The following MEOX2 variants were observed in gnomAD, a reference collection of about 807,000 sequenced individuals.
The protein encoded by MEOX2 is homeobox protein MOX-2.
In MEOX2, 11 loss-of-function variants were observed where a neutral mutation model predicts 27.0. The ratio of observed to expected loss-of-function variants is 0.41; its 90% confidence interval spans 0.26 to 0.68. MEOX2 has a LOEUF of 0.68. Among genes scored for constraint, MEOX2 ranks in the 30% least tolerant of loss-of-function variants. The probability of loss-of-function intolerance (pLI) is 0.33; values close to 1 mark genes in which losing one functional copy is unlikely to be tolerated. For missense variants in MEOX2, 436 were observed against 385.4 expected, an observed-to-expected ratio of 1.13 and a Z score of -1.10; for synonymous variants, 189 against 155.4, an observed-to-expected ratio of 1.22 and a Z score of -1.61.
At chr7:15,640,677 C>T (rs1467353950) in intron 1 of MEOX2, among the ~76,000 whole-genome samples, 1 of 152,038 alleles carries the variant, frequency 6.6e-6, no homozygotes, top group African/African-American at 2.4e-5. Context: ...ATACATGGCT[C>T]TTAGTATTTT....
intron 1 of MEOX2, among the ~76,000 whole-genome samples, chr7:15,654,435 C>G (rs1426817142): frequency 6.6e-6 from 1 of 151,420 alleles, no homozygotes; most frequent in South Asian, 2.1e-4. Flanking sequence ...ATTGGCTATA[C>G]CTTTCAGTCT....
intron 1 of MEOX2, among the ~76,000 whole-genome samples, chr7:15,667,091 A>G (rs1393020052): frequency 2.0e-5 from 3 of 151,112 alleles, no homozygotes; most frequent in Non-Finnish European, 4.4e-5. Context: ...AGAGATCTAG[A>G]CCATCCTGGC....
At chr7:15,614,948 T>C (rs1781099115) in intron 2 of MEOX2, among the ~76,000 whole-genome samples, 1 of 152,156 alleles carries the variant, frequency 6.6e-6, no homozygotes, top group African/African-American at 2.4e-5. Flanking sequence ...TTCTCTATTC[T>C]GGATTTTTCT....
chr7:15,664,344 A>T (rs188796994), intron 1 of MEOX2, among the ~76,000 whole-genome samples: 207 of 152,076 alleles, frequency 1.4e-3, no homozygotes, highest in Middle Eastern at 3.4e-3. Flanking sequence ...CTTACATCTT[A>T]CCTGACCTTG....
At chr7:15,623,180 A>G (rs2115357791) in intron 2 of MEOX2, among the ~76,000 whole-genome samples, 1 of 152,326 alleles carries the variant, frequency 6.6e-6, no homozygotes, top group South Asian at 2.1e-4. Context: ...TAAAACCCCA[A>G]CCTCCAGAAA....
intron 1 of MEOX2, among the ~76,000 whole-genome samples, chr7:15,661,365 T>C (rs1562609566): frequency 6.6e-6 from 1 of 152,216 alleles, no homozygotes; most frequent in Non-Finnish European, 1.5e-5. Flanking sequence ...TATTCAAAGT[T>C]TCTCAATTTT....
intron 1 of MEOX2, 45 bp from the exon 2 acceptor site, chr7:15,626,963 A>G (rs755141457): frequency 7.1e-6 from 11 of 1,546,760 alleles, no homozygotes; most frequent in African/African-American, 1.4e-5. Context: ...CATTTATTCA[A>G]ACACATGCAA....
intron 1 of MEOX2, among the ~76,000 whole-genome samples, chr7:15,658,090 A>G (rs1437105079): frequency 6.6e-6 from 1 of 152,222 alleles, no homozygotes; most frequent in Non-Finnish European, 1.5e-5. Context: ...CGGAGTGGGT[A>G]GGTGGAGTCG....
chr7:15,663,306 T>C (rs1028508660), intron 1 of MEOX2, among the ~76,000 whole-genome samples: 1 of 152,064 alleles, frequency 6.6e-6, no homozygotes, highest in African/African-American at 2.4e-5. Flanking sequence ...ACTGTGTTAA[T>C]GTCAAGCAAG....
At chr7:15,652,802 CA>C (rs1178609724) in intron 1 of MEOX2, among the ~76,000 whole-genome samples, 2 of 151,984 alleles carry the variant, frequency 1.3e-5, no homozygotes, top group Admixed American at 6.6e-5. Flanking sequence ...ATAAATACAT[CA>C]ACAGCTCCCT....
At chr7:15,643,522 C>A (rs1257456827) in intron 1 of MEOX2, among the ~76,000 whole-genome samples, 1 of 152,154 alleles carries the variant, frequency 6.6e-6, no homozygotes, top group East Asian at 1.9e-4. Flanking sequence ...TGCAGCCCAG[C>A]AGACAGACAT....
intron 1 of MEOX2, among the ~76,000 whole-genome samples, chr7:15,638,877 A>G (rs887898856): frequency 2.0e-5 from 3 of 152,072 alleles, no homozygotes; most frequent in African/African-American, 7.2e-5. Context: ...TTACGCGATC[A>G]ACTGTTGATG....
At chr7:15,654,476 T>C (rs892132262) in intron 1 of MEOX2, among the ~76,000 whole-genome samples, 35 of 151,788 alleles carry the variant, frequency 2.3e-4, no homozygotes, top group African/African-American at 7.2e-4. Flanking sequence ...AGGGAGGACA[T>C]TCCTGATCTT....
chr7:15,621,164 G>A (rs1348956385), intron 2 of MEOX2, among the ~76,000 whole-genome samples: 1 of 152,140 alleles, frequency 6.6e-6, no homozygotes, highest in Non-Finnish European at 1.5e-5. Context: ...TCTGACAATT[G>A]AAGATTATTA....
chr7:15,612,479 T>A lies in MEOX2; in HGVS notation c.823A>T (p.Ile275Phe). Reference protein sequence around the residue: ...GTLLPSELSGIGAATLQQTGD... With the variant: ...GTLLPSELSGFGAATLQQTGD... ...GTTTGCTGGAGGGTGGCTGCACCAA[T>A]TCCCGACAGCTCTGATGGGAGAAGT... The change falls in exon 3 of 3, where the codon ATT (isoleucine) becomes TTT (phenylalanine). Residue 275 changes from isoleucine (I) to phenylalanine (F), a missense_variant. Ile to Phe is a conservative substitution (Grantham distance 21). Transcript: ENST00000262041. 2 of 1,614,078 alleles carry A rather than the reference T, an allele frequency of 1.2e-6. No individual in the cohort carries two copies. The highest frequency in any genetic ancestry group is 1.7e-6 in the Non-Finnish European group (2 of 1,179,978).
chr7:15,660,502 G>T (rs1348031289), intron 1 of MEOX2, among the ~76,000 whole-genome samples: 1 of 152,036 alleles, frequency 6.6e-6, no homozygotes, highest in Non-Finnish European at 1.5e-5. Flanking sequence ...ACTGTCATTT[G>T]CATCGTAAGA....
At position 15,626,905 on chromosome 7, in the gene MEOX2, T is replaced by G. The variant is rs1781317580; in HGVS notation, c.531A>C (p.Gly177=). Residue 177 remains glycine, a synonymous_variant, in exon 2 of 3, where the codon GGA becomes GGC. Transcript: ENST00000262041. ...TGCTGTTGACTTCTGACTTGTAATTTCCTTCCTGGGAGTCTGAAAAAAAAG... is the reference window on the plus strand; with the variant it reads ...TGCTGTTGACTTCTGACTTGTAATTGCCTTCCTGGGAGTCTGAAAAAAAAG... ...RKSDSSDSQE[G]NYKSEVNSKP... is the part of the protein sequence containing the mutation. 6.2e-7 allele frequency: 1 copy of G among 1,612,190 alleles called. No homozygotes were observed. Among genetic ancestry groups the G allele is most frequent in the African/African-American group, 1.3e-5 (1 of 74,472 alleles).
intron 1 of MEOX2, among the ~76,000 whole-genome samples, chr7:15,631,935 G>A (rs994912249): frequency 4.7e-5 from 1 of 21,260 alleles, no homozygotes; most frequent in African/African-American, 2.0e-4. Flanking sequence ...TGTGTGTGGA[G>A]AGAAAGAGAG....
chr7:15,662,625 A>T (rs1404563288), intron 1 of MEOX2, among the ~76,000 whole-genome samples: 2 of 152,168 alleles, frequency 1.3e-5, no homozygotes, highest in African/African-American at 4.8e-5. Flanking sequence ...GAATAAGCAG[A>T]CTTTTAGTTT....
Sources: gnomAD v4.1 joint callset for allele counts (sites outside exome capture counted in the v4.1 genomes callset) on GRCh38, gnomAD v4.1.1 for gene constraint, MANE v1.5 for transcripts, NCBI Gene and HGNC (gene_info 2026-07-23, HGNC 2026-07-21) for gene names.